Variants in TFAM observed in about 807,000 individuals in gnomAD.
TFAM encodes the protein mitochondrial transcription factor 1.
TFAM carries 13 observed loss-of-function variants against 30.6 expected under a neutral mutation model. The observed-to-expected ratio is 0.42, with a 90% CI of 0.28 to 0.67. TFAM has a LOEUF of 0.67. Ranked by LOEUF, TFAM falls within the 30% of genes least tolerant of loss-of-function variation. The pLI is 0.21. For missense variants in TFAM, 231 were observed against 293.7 expected (o/e 0.79, Z 1.56); for synonymous variants, 106 against 94.8 (o/e 1.12, Z -0.69).
chr10:58,394,755 C>CT (rs1449563827), intron 6 of TFAM, among the ~76,000 whole-genome samples, 173 bp from the exon 7 acceptor site: 1 of 152,170 alleles, frequency 6.6e-6, no homozygotes, highest in South Asian at 2.1e-4. Context: ...TTTTCATCAT[C>CT]TAACTTTTAT....
chr10:58,389,198 T>C (rs781656431), intron 4 of TFAM, among the ~76,000 whole-genome samples: 5 of 152,206 alleles, frequency 3.3e-5, no homozygotes, highest in Non-Finnish European at 7.4e-5. Context: ...TTATGGTGAG[T>C]TTGATATGGA....
intron 1 of TFAM, among the ~76,000 whole-genome samples, chr10:58,386,008 C>G (rs1840481400): frequency 6.6e-6 from 1 of 152,072 alleles, no homozygotes; most frequent in African/African-American, 2.4e-5. Flanking sequence ...ACTCCCTGCC[C>G]TTCCTAGGAG....
At chr10:58,388,457 T>G (rs1840531996) in intron 3 of TFAM, among the ~76,000 whole-genome samples, 197 bp downstream of exon 3, 2 of 152,182 alleles carry the variant, frequency 1.3e-5, no homozygotes, top group Admixed American at 1.3e-4. Flanking sequence ...GGCAGTAGTT[T>G]GAAAATGGAA....
At position 58,385,499 on chromosome 10, in the gene TFAM, G is replaced by C; in HGVS notation, c.-49G>C. On this transcript the variant is annotated 5_prime_UTR_variant, in exon 1 of 7. Coordinates refer to ENST00000487519, the MANE Select transcript of TFAM (RefSeq NM_003201.3). ...TGATTGCTGGAGTTGTGTATTGCCA[G>C]GAGGCTCTCCGAGATTGGGGTCGGG... is the stretch of plus-strand genomic sequence containing the variant. The C allele has an allele frequency of 1.4e-6, 2 of 1,428,960 alleles. No individual in the cohort carries two copies. The highest frequency in any genetic ancestry group is 2.5e-5 in the East Asian group (1 of 40,430). 88.5% of individuals were successfully genotyped at this position (1,428,960 alleles called of 1,614,324 possible).
At position 58,386,551 on chromosome 10, in the gene TFAM, G is replaced by C. The variant is rs1359168755; in HGVS notation, c.220+213G>C. 4 of 753,068 alleles carry C rather than the reference G, an allele frequency of 5.3e-6. No homozygotes were observed. In the African/African-American group the frequency reaches 7.1e-5, roughly 13 times the overall value. 46.6% of individuals were successfully genotyped at this position (753,068 alleles called of 1,614,324 possible). ...AATGGTATTTTAAAAATAACGTATA[G>C]TGTAGAAAGCACCCTAGGAAGAGGA... On this transcript the variant is annotated intron_variant, in intron 2 of 6. Coordinates refer to ENST00000487519, the MANE Select transcript of TFAM (RefSeq NM_003201.3).
In TFAM at chr10:58,388,735, A is replaced by G; in HGVS notation, c.357A>G (p.Glu119=). ...VYKEEISRFK[E]QLTPSQIMSL... ...AAGAAGAGATAAGCAGATTTAAAGA[A>G]CAGCTAACTCCAAGTCAGATTATGT... Residue 119 remains glutamate, a synonymous_variant, in exon 4 of 7, where the codon GAA becomes GAG. Transcript: ENST00000487519. 1 of 1,613,844 alleles carries G rather than the reference A, an allele frequency of 6.2e-7. No individual in the cohort carries two copies. The highest frequency in any genetic ancestry group is 8.5e-7 in the Non-Finnish European group (1 of 1,179,806).
intron 1 of TFAM, 114 bp from the exon 2 acceptor site, chr10:58,386,106 G>A (rs1002535053): frequency 2.4e-6 from 2 of 823,604 alleles, no homozygotes; most frequent in Non-Finnish European, 4.3e-6. Flanking sequence ...TGTTGAAGGC[G>A]TTGGATACAT....
chr10:58,394,672 T>C, intron 6 of TFAM: 1 of 638,764 alleles, frequency 1.6e-6, no homozygotes, highest in East Asian at 2.8e-5. Context: ...ACCCTGCTGC[T>C]GCCCCCTTCC....
chr10:58,386,755 T>TTGAAA (rs1242357225), intron 2 of TFAM: 4 of 950,504 alleles, frequency 4.2e-6, no homozygotes, highest in Non-Finnish European at 5.1e-6. Flanking sequence ...TGCAATTTAC[T>TTGAAA]GCTAATTTCA....
At chr10:58,389,288 A>G (rs1840548352) in intron 4 of TFAM, among the ~76,000 whole-genome samples, 1 of 152,156 alleles carries the variant, frequency 6.6e-6, no homozygotes, top group South Asian at 2.1e-4. Context: ...TGCCTTTAGG[A>G]TGGAATTCTT....
intron 5 of TFAM, among the ~76,000 whole-genome samples, chr10:58,393,760 TG>T (rs1840635628): frequency 6.6e-6 from 1 of 152,058 alleles, no homozygotes; most frequent in Non-Finnish European, 1.5e-5. Flanking sequence ...CCAGGCATGG[TG>T]GTGCATATCT....
At chr10:58,388,324 C>T in intron 3 of TFAM, 64 bp downstream of exon 3, 3 of 1,362,928 alleles carry the variant, frequency 2.2e-6, no homozygotes, top group Non-Finnish European at 3.2e-6. Flanking sequence ...ATTGTCATGT[C>T]CTTTAAAGGA....
Position 58,390,855 on chromosome 10 carries a change from C to T in TFAM, c.532C>T (p.Pro178Ser), listed in dbSNP as rs1392323641. The change falls in exon 5 of 7, where the codon CCG becomes TCG. Residue 178 changes from proline to serine, a missense_variant. Coordinates refer to ENST00000487519, the MANE Select transcript of TFAM (RefSeq NM_003201.3). ...ATTCCAAGAAGCTAAGGGTGATTCA[C>T]CGCAGGTAAAGCTGAAATATATTTT... ...ERFQEAKGDSPQEKLKTVKEN... is the reference protein window; with the variant it reads ...ERFQEAKGDSSQEKLKTVKEN... 1.2e-6 allele frequency: 2 copies of T among 1,612,426 alleles called. No homozygotes were observed. Among genetic ancestry groups the T allele is most frequent in the Non-Finnish European group, 1.7e-6 (2 of 1,179,266 alleles).
chr10:58,386,050 GCTCCC>G (rs1840482944), intron 1 of TFAM, among the ~76,000 whole-genome samples, 165 bp from the exon 2 acceptor site: 1 of 151,520 alleles, frequency 6.6e-6, no homozygotes, highest in Non-Finnish European at 1.5e-5. Context: ...TCCTGCAGAC[GCTCCC>G]CTCCGTTTAG....
In TFAM at chr10:58,390,701, G is replaced by A. The variant is rs1840576429; in HGVS notation, c.442-64G>A. ...ATGCGTAGTAGTGAATAAAGTTTCT[G>A]TAGGTAAAATTAAGTCTCATGGAGG... is the stretch of plus-strand genomic sequence containing the variant. On this transcript the variant is annotated intron_variant, in intron 4 of 6. Coordinates refer to ENST00000487519, the MANE Select transcript of TFAM (RefSeq NM_003201.3). 2.5e-6 allele frequency: 3 copies of A among 1,203,208 alleles called. 1 individual carries two copies. The South Asian group carries it at 3.6e-5, about 15-fold the overall frequency. The allele number at this position is 1,203,208 out of a possible 1,614,324, so 74.5% of individuals were successfully genotyped here.
rs1454185236 is a variant in TFAM at position 58,397,325 on chromosome 10, C to A, written c.*2251C>A. 6.6e-6 allele frequency: 1 copy of A among 152,106 alleles called. No individual in the cohort carries two copies. Among genetic ancestry groups the A allele is most frequent in the Non-Finnish European group, 1.5e-5 (1 of 68,012 alleles). 9.4% of individuals were successfully genotyped at this position (152,106 alleles called of 1,614,324 possible). Reference sequence around the variant, plus strand: ...TTCCTCTGAGTTCTTTTAACATTAACTACCCGTATTATTTTATACTTAACA... The same window carrying A: ...TTCCTCTGAGTTCTTTTAACATTAAATACCCGTATTATTTTATACTTAACA... On this transcript the variant is annotated 3_prime_UTR_variant, in exon 7 of 7. Coordinates refer to ENST00000487519, the MANE Select transcript of TFAM (RefSeq NM_003201.3).
At chr10:58,392,705 C>T (rs915249139) in intron 5 of TFAM, among the ~76,000 whole-genome samples, 3 of 151,324 alleles carry the variant, frequency 2.0e-5, no homozygotes, top group East Asian at 1.9e-4. Flanking sequence ...TTGAGACAGG[C>T]AGCCTGTTAT....
At chr10:58,388,843 T>C in intron 4 of TFAM, 24 bp downstream of exon 4, 1 of 1,580,408 alleles carries the variant, frequency 6.3e-7, no homozygotes, top group East Asian at 2.2e-5. Flanking sequence ...AAATACTTTT[T>C]TCTTATGGTA....
Position 58,398,255 on chromosome 10 carries a change from C to T in TFAM, c.*3181C>T, listed in dbSNP as rs1277128103. The T allele has an allele frequency of 6.6e-6, 1 of 152,154 alleles. No homozygotes were observed. Among genetic ancestry groups the T allele is most frequent in the Non-Finnish European group, 1.5e-5 (1 of 68,042 alleles). 9.4% of individuals were successfully genotyped at this position (152,154 alleles called of 1,614,324 possible). A position where few individuals can be genotyped will look rare whatever the true frequency, so the allele number is the denominator to read the frequency against. ...TTTTTTAGACTTTTCTTAATTTCAT[C>T]CAACAAAGTAGTTGCTGTAGGAGCT... On this transcript the variant is annotated 3_prime_UTR_variant, in exon 7 of 7. Transcript: ENST00000487519.
Sources: allele counts gnomAD v4.1 joint callset (sites outside exome capture counted in the v4.1 genomes callset), GRCh38; gene constraint gnomAD v4.1.1; transcripts MANE v1.5; gene names NCBI Gene and HGNC (gene_info 2026-07-23, HGNC 2026-07-21).